The following CACNA1C variants were observed in gnomAD, a reference collection of about 807,000 sequenced individuals.
CACNA1C encodes voltage-dependent L-type calcium channel subunit alpha-1C.
Under a neutral mutation model 229.0 loss-of-function variants are expected in CACNA1C, and 30 were observed. The observed-to-expected ratio is 0.13, with a 90% CI of 0.10 to 0.18. The LOEUF (loss-of-function observed/expected upper bound fraction) is 0.18, where lower values mean the gene tolerates loss of function less well. Among genes scored for constraint, CACNA1C ranks in the 10% least tolerant of loss-of-function variants. CACNA1C has a pLI of 1.00. For synonymous variants in CACNA1C, 1,114 were observed against 1,132.5 expected, an observed-to-expected ratio of 0.98 and a Z score of 0.33; for missense variants, 1,658 against 2,845.0, an observed-to-expected ratio of 0.58 and a Z score of 9.49.
intron 3 of CACNA1C, among the ~76,000 whole-genome samples, chr12:2,406,024 A>T (rs1344376247): frequency 1.3e-5 from 2 of 152,174 alleles, no homozygotes; most frequent in Admixed American, 6.5e-5. Flanking sequence ...GAATATTTGC[A>T]CTGGATATAT....
At chr12:2,071,008 CTT>C (rs1474353615) in intron 1 of CACNA1C, among the ~76,000 whole-genome samples, 2 of 119,688 alleles carry the variant, frequency 1.7e-5, no homozygotes, top group East Asian at 3.0e-4. Context: ...CCTTCCTTCT[CTT>C]TCTCCTTCCT....
Position 2,493,456 on chromosome 12 carries a change from T to C in CACNA1C, c.1113+70T>C. On this transcript the variant is annotated intron_variant, in intron 7 of 46. Transcript: ENST00000399655. This position sits in a 1 kb window ranked among gnomAD's most constrained non-coding sequence, Gnocchi z 4.6. ...CGTGAACCCTTCCCTGACACCTCCC[T>C]TTCTCCTCCTCCCCATGGTCTTGGG... 1 of 1,146,494 alleles carries C rather than the reference T, an allele frequency of 8.7e-7. No homozygotes were observed. The highest frequency in any genetic ancestry group is 1.3e-6 in the Non-Finnish European group (1 of 763,140). The allele number at this position is 1,146,494 out of a possible 1,614,324, so 71.0% of individuals were successfully genotyped here.
intron 7 of CACNA1C, among the ~76,000 whole-genome samples, chr12:2,498,081 T>G (rs2099750935): frequency 1.3e-5 from 2 of 152,058 alleles, no homozygotes; most frequent in Non-Finnish European, 2.9e-5. Context: ...TCCAAGCAGG[T>G]TGAATTGGGT....
intron 3 of CACNA1C, among the ~76,000 whole-genome samples, chr12:2,260,683 T>TTGTTGGC (rs1238256876): frequency 6.6e-6 from 1 of 152,152 alleles, no homozygotes; most frequent in Non-Finnish European, 1.5e-5. Context: ...TTTTGAACAC[T>TTGTTGGC]TGTTGGCTGT....
chr12:2,646,191 A>G lies in CACNA1C; in HGVS notation c.3913-2284A>G, dbSNP rs1454760665. 6.6e-6 allele frequency among the ~76,000 whole-genome samples: 1 copy of G among 152,280 alleles called. No individual in the cohort carries two copies. The highest frequency in any genetic ancestry group is 6.5e-5 in the Admixed American group (1 of 15,294). On this transcript the variant is annotated intron_variant, in intron 30 of 46. Transcript: ENST00000399655. The surrounding 1 kb of genome is among the most constrained non-coding windows in gnomAD (Gnocchi z 4.6). ...GGGAGCTATAAAATGCAACAAGAAA[A>G]AAGACAGTTAAGACAAATGTTTAAA... is the stretch of plus-strand genomic sequence containing the variant.
chr12:2,579,139 G>T (rs550092293), intron 13 of CACNA1C, among the ~76,000 whole-genome samples: 2 of 152,238 alleles, frequency 1.3e-5, no homozygotes, highest in East Asian at 3.9e-4. Flanking sequence ...TGACCTGCTT[G>T]TCAGGCTCCC....
intron 3 of CACNA1C, among the ~76,000 whole-genome samples, chr12:2,229,820 A>AG (rs2064211666): frequency 6.6e-6 from 1 of 152,074 alleles, no homozygotes. Flanking sequence ...GTTGCAGGTG[A>AG]GGGGTCCCGA....
chr12:2,355,125 C>T (rs1327104435), intron 3 of CACNA1C, among the ~76,000 whole-genome samples: 4 of 152,168 alleles, frequency 2.6e-5, no homozygotes, highest in South Asian at 2.1e-4. Flanking sequence ...CCGCACACAC[C>T]GTCAGTGTGA....
chr12:2,102,575 G>A (rs2076825055), intron 1 of CACNA1C, among the ~76,000 whole-genome samples: 1 of 152,138 alleles, frequency 6.6e-6, no homozygotes, highest in African/African-American at 2.4e-5. Flanking sequence ...CCTCAGGCAG[G>A]CAGATTATTT....
In CACNA1C at chr12:1,996,637, A is replaced by C. The variant is rs1052029989; in HGVS notation, c.139+25436A>C. ...GAGCTAAAAAAAAAAAAAAAAAAAA[A>C]AAAAAAAAAAAAAAAAAACAACAAA... is the stretch of plus-strand genomic sequence containing the variant. On this transcript the variant is annotated intron_variant, in intron 1 of 46. Coordinates refer to the CACNA1C transcript ENST00000682462. Among the ~76,000 whole-genome samples, 445 of 121,330 alleles carry C rather than the reference A, an allele frequency of 3.7e-3. 10 individuals carry two copies. The highest frequency in any genetic ancestry group is 0.015 in the African/African-American group (420 of 28,856). The allele number at this position is 121,330 out of a possible 152,430, so 79.6% of individuals were successfully genotyped here.
At position 1,996,616 on chromosome 12, in the gene CACNA1C, TAAAAAAAAAAAAAAAAAAAA is replaced by T. The variant is rs78563698; in HGVS notation, c.139+25435_139+25454del. On this transcript the variant is annotated intron_variant, in intron 1 of 46. Coordinates refer to the CACNA1C transcript ENST00000682462. ...AATACACTAATAATAGCTGATGAGC[TAAAAAAAAAAAAAAAAAAAA>T]AAAAAAAAAAAAAAAAAAACAACAA... Among the ~76,000 whole-genome samples the T allele has an allele frequency of 8.5e-4, 16 of 18,844 alleles. No homozygotes were observed. The East Asian group carries it at 9.5e-3, about 11-fold the overall frequency. 12.4% of individuals were successfully genotyped at this position (18,844 alleles called of 152,430 possible).
intron 3 of CACNA1C, among the ~76,000 whole-genome samples, chr12:2,405,496 A>G (rs2098727041): frequency 6.6e-6 from 1 of 152,232 alleles, no homozygotes; most frequent in Non-Finnish European, 1.5e-5. Context: ...AGAATGTTAT[A>G]TAAATGGCTT....
At chr12:2,434,525 C>A (rs2099115838) in intron 3 of CACNA1C, among the ~76,000 whole-genome samples, 1 of 152,216 alleles carries the variant, frequency 6.6e-6, no homozygotes, top group Admixed American at 6.5e-5. Flanking sequence ...CTTGATTTGT[C>A]TCCTTCCAGC....
chr12:2,273,966 T>C (rs1424208563), intron 3 of CACNA1C, among the ~76,000 whole-genome samples: 1 of 152,230 alleles, frequency 6.6e-6, no homozygotes, highest in Non-Finnish European at 1.5e-5. Context: ...GTGTGGGCTG[T>C]GCTTGGCAGC....
intron 30 of CACNA1C, among the ~76,000 whole-genome samples, chr12:2,640,446 G>A (rs908092984): frequency 2.0e-5 from 3 of 152,206 alleles, no homozygotes; most frequent in African/African-American, 7.2e-5. Flanking sequence ...CACAAAGCCT[G>A]GGATCCCCCT....
At position 2,608,775 on chromosome 12, in the gene CACNA1C, C is replaced by T; in HGVS notation, c.3558+63C>T. ...ACGGAGGGAATGGCAGCCTGCGGCC[C>T]ACCCCGCAGAGGGGCTGCGACAGGG... On this transcript the variant is annotated intron_variant, in intron 27 of 46. Coordinates refer to ENST00000399655, the MANE Select transcript of CACNA1C (RefSeq NM_000719.7). The surrounding 1 kb of genome is among the most constrained non-coding windows in gnomAD (Gnocchi z 4.2). The T allele has an allele frequency of 1.9e-6, 3 of 1,543,948 alleles. No individual in the cohort carries two copies. Among genetic ancestry groups the T allele is most frequent in the South Asian group, 1.1e-5 (1 of 87,114 alleles).
chr12:2,331,563 C>T (rs2096549458), intron 3 of CACNA1C, among the ~76,000 whole-genome samples: 1 of 152,206 alleles, frequency 6.6e-6, no homozygotes, highest in Admixed American at 6.5e-5. Flanking sequence ...AGAGAGGAGA[C>T]ATTAACAGCT....
At position 2,067,403 on chromosome 12, in the gene CACNA1C, G is replaced by A. The variant is rs934373392; in HGVS notation, c.49+13792G>A. Among the ~76,000 whole-genome samples the A allele has an allele frequency of 2.7e-5, 4 of 150,802 alleles. No individual in the cohort carries two copies. The highest frequency in any genetic ancestry group is 2.6e-4 in the Admixed American group (4 of 15,170). On this transcript the variant is annotated intron_variant, in intron 1 of 46. Coordinates refer to ENST00000399655, the MANE Select transcript of CACNA1C (RefSeq NM_000719.7). The surrounding 1 kb of genome is among the most constrained non-coding windows in gnomAD (Gnocchi z 5.3). Reference sequence around the variant, plus strand: ...TGACAAAAGCCTGGGTGGTGGAGATGGTGGCAGTTTAAGGATGTGGGCTTA... The same window carrying A: ...TGACAAAAGCCTGGGTGGTGGAGATAGTGGCAGTTTAAGGATGTGGGCTTA...
intron 1 of CACNA1C, among the ~76,000 whole-genome samples, chr12:2,097,646 G>A (rs949963013): frequency 6.6e-6 from 1 of 152,206 alleles, no homozygotes; most frequent in Non-Finnish European, 1.5e-5. Context: ...GTAAATTACA[G>A]TGAGCCGCCG....
Sources: gnomAD v4.1 joint callset for allele counts (sites outside exome capture counted in the v4.1 genomes callset) on GRCh38, gnomAD v4.1.1 for gene constraint, Gnocchi (gnomAD v3.1) non-coding constraint, MANE v1.5 for transcripts, NCBI Gene and HGNC (gene_info 2026-07-23, HGNC 2026-07-21) for gene names.